The following CSMD1 variants were observed in gnomAD, a reference collection of about 807,000 sequenced individuals.
CSMD1 encodes CUB and Sushi multiple domains 1.
CSMD1 carries 213 observed loss-of-function variants against 417.5 expected under a neutral mutation model. The observed-to-expected ratio is 0.51, with a 90% CI of 0.46 to 0.57. CSMD1 has a LOEUF of 0.57. CSMD1 is among the 20% of genes least tolerant of loss of function. The probability of loss-of-function intolerance (pLI) is 0.00; values close to 1 mark genes in which losing one functional copy is unlikely to be tolerated. For synonymous variants in CSMD1, 2,862 were observed against 1,736.8 expected, an observed-to-expected ratio of 1.65 and a Z score of -16.11; for missense variants, 6,923 against 4,529.7, an observed-to-expected ratio of 1.53 and a Z score of -15.17.
chr8:4,994,724 G>A lies in CSMD1; in HGVS notation c.-308C>T, dbSNP rs1284375139. The A allele has an allele frequency of 1.5e-5, 5 of 343,466 alleles. No homozygotes were observed. 21.3% of individuals were successfully genotyped at this position (343,466 alleles called of 1,614,324 possible). A position where few individuals can be genotyped will look rare whatever the true frequency, so the allele number is the denominator to read the frequency against. ...AGGCACCAAGGCGGCGAGGCTGCGG[G>A]AGGGGGAGAAGCGGGGAGAGGAGCG... On this transcript the variant is annotated 5_prime_UTR_variant, in exon 1 of 70. Transcript: ENST00000635120.
At chr8:3,746,635 ATCTT>A (rs1417965985) in intron 6 of CSMD1, among the ~76,000 whole-genome samples, 1 of 152,194 alleles carries the variant, frequency 6.6e-6, no homozygotes. Context: ...AATATTTCAT[ATCTT>A]TCTTAAATTT....
intron 10 of CSMD1, among the ~76,000 whole-genome samples, chr8:3,544,286 C>T (rs1316136250): frequency 6.6e-6 from 1 of 152,136 alleles, no homozygotes; most frequent in Non-Finnish European, 1.5e-5. Context: ...CTTAATTTTG[C>T]TTTAAAGAAA....
At chr8:4,382,604 A>C (rs921180036) in intron 3 of CSMD1, among the ~76,000 whole-genome samples, 1 of 152,246 alleles carries the variant, frequency 6.6e-6, no homozygotes, top group African/African-American at 2.4e-5. Context: ...GTATCCATTA[A>C]ATCTTAAAGG....
At chr8:4,245,400 A>T (rs1802643054) in intron 3 of CSMD1, among the ~76,000 whole-genome samples, 1 of 152,130 alleles carries the variant, frequency 6.6e-6, no homozygotes, top group Non-Finnish European at 1.5e-5. Flanking sequence ...CCTGATCCAC[A>T]CTCTGATGAT....
intron 1 of CSMD1, among the ~76,000 whole-genome samples, chr8:4,647,599 T>C (rs1803618464): frequency 6.6e-6 from 1 of 152,126 alleles, no homozygotes; most frequent in East Asian, 1.9e-4. Flanking sequence ...TGGTGTGTGT[T>C]GTTCCCCTCT....
chr8:2,948,040 C>G (rs1369237371), intron 68 of CSMD1, among the ~76,000 whole-genome samples: 1 of 151,500 alleles, frequency 6.6e-6, no homozygotes, highest in African/African-American at 2.4e-5. Flanking sequence ...AAATTGTACA[C>G]TCACATTCCT....
chr8:4,177,707 A>T (rs1170109846), intron 3 of CSMD1, among the ~76,000 whole-genome samples: 1 of 148,880 alleles, frequency 6.7e-6, no homozygotes, highest in African/African-American at 2.5e-5. Context: ...AAAAAAAGAG[A>T]CAAGAATCAA....
chr8:3,380,848 A>C (rs2116770541), intron 18 of CSMD1, among the ~76,000 whole-genome samples: 1 of 151,970 alleles, frequency 6.6e-6, no homozygotes, highest in East Asian at 1.9e-4. Context: ...TATGTAACAA[A>C]CCTGCACGAT....
At chr8:4,804,291 G>T (rs1039514368) in intron 1 of CSMD1, among the ~76,000 whole-genome samples, 3 of 152,066 alleles carry the variant, frequency 2.0e-5, no homozygotes, top group Admixed American at 2.0e-4. Context: ...AAAACCAACA[G>T]AGCAGAAGCA....
chr8:3,846,176 G>C (rs766094994), intron 5 of CSMD1, among the ~76,000 whole-genome samples: 2 of 152,158 alleles, frequency 1.3e-5, no homozygotes, highest in South Asian at 4.1e-4. Context: ...GTACATAAGT[G>C]TATGTGCTAG....
At chr8:4,919,765 T>C (rs1247004482) in intron 1 of CSMD1, among the ~76,000 whole-genome samples, 2 of 152,334 alleles carry the variant, frequency 1.3e-5, no homozygotes, top group South Asian at 2.1e-4. Flanking sequence ...TAGCCTGTGA[T>C]GGCTGCTCTT....
At chr8:3,237,011 A>C (rs1373767239) in intron 26 of CSMD1, among the ~76,000 whole-genome samples, 1 of 152,076 alleles carries the variant, frequency 6.6e-6, no homozygotes, top group African/African-American at 2.4e-5. Flanking sequence ...CATGCCAGTC[A>C]GCTTGAGCAA....
At chr8:4,318,543 A>G (rs1006348041) in intron 3 of CSMD1, among the ~76,000 whole-genome samples, 1 of 152,178 alleles carries the variant, frequency 6.6e-6, no homozygotes, top group African/African-American at 2.4e-5. Flanking sequence ...TAATAAAGTT[A>G]CGTTAACAAG....
At chr8:4,741,747 G>C (rs1810619095) in intron 1 of CSMD1, among the ~76,000 whole-genome samples, 1 of 152,090 alleles carries the variant, frequency 6.6e-6, no homozygotes, top group Admixed American at 6.5e-5. Flanking sequence ...TAGAAGTGGA[G>C]AGTCTCAGGC....
intron 10 of CSMD1, among the ~76,000 whole-genome samples, chr8:3,544,032 C>A (rs1442913945): frequency 1.3e-5 from 2 of 152,160 alleles, no homozygotes; most frequent in African/African-American, 4.8e-5. Flanking sequence ...AAACAGTCTT[C>A]CACAGGTGAA....
intron 3 of CSMD1, among the ~76,000 whole-genome samples, chr8:4,151,652 T>C (rs1183112555): frequency 6.6e-6 from 1 of 152,176 alleles, no homozygotes; most frequent in Admixed American, 6.5e-5. Flanking sequence ...TGTGGCATCA[T>C]TATTATTATG....
chr8:4,356,139 T>C (rs781584596), intron 3 of CSMD1, among the ~76,000 whole-genome samples: 10 of 152,292 alleles, frequency 6.6e-5, no homozygotes, highest in African/African-American at 2.2e-4. Flanking sequence ...CCAAAGTCCA[T>C]TGTATCTTTC....
intron 8 of CSMD1, among the ~76,000 whole-genome samples, chr8:3,589,666 C>G (rs1330851245): frequency 6.6e-6 from 1 of 151,998 alleles, no homozygotes; most frequent in Non-Finnish European, 1.5e-5. Context: ...GAGAAATAAG[C>G]TCAGGAGATC....
At chr8:3,008,978 A>G (rs1290348674) in intron 52 of CSMD1, among the ~76,000 whole-genome samples, 2 of 152,204 alleles carry the variant, frequency 1.3e-5, no homozygotes, top group South Asian at 2.1e-4. Flanking sequence ...GATTTTGGAA[A>G]TGGGTTCCCT....
Sources: gnomAD v4.1 joint callset for allele counts (sites outside exome capture counted in the v4.1 genomes callset) on GRCh38, gnomAD v4.1.1 for gene constraint, MANE v1.5 for transcripts, NCBI Gene and HGNC (gene_info 2026-07-23, HGNC 2026-07-21) for gene names.